CDH12: variants seen among roughly 807,000 people sequenced by gnomAD.
CDH12 encodes the protein cadherin-12.
In CDH12, 41 loss-of-function variants were observed where a neutral mutation model predicts 74.1. The observed-to-expected ratio is 0.55, with a 90% CI of 0.43 to 0.72. The LOEUF (loss-of-function observed/expected upper bound fraction) is 0.72, where lower values mean the gene tolerates loss of function less well. CDH12 is among the 30% of genes least tolerant of loss of function. CDH12 has a pLI of 0.00. For missense variants in CDH12, 945 were observed against 977.2 expected, an observed-to-expected ratio of 0.97 and a Z score of 0.44; for synonymous variants, 399 against 355.0, an observed-to-expected ratio of 1.12 and a Z score of -1.39.
chr5:21,814,932 CTAAA>C (rs1205774325), intron 9 of CDH12, among the ~76,000 whole-genome samples: 14 of 151,710 alleles, frequency 9.2e-5, no homozygotes, highest in Non-Finnish European at 1.9e-4. Flanking sequence ...GAAAAACAAA[CTAAA>C]TAACAATGAA....
chr5:22,041,435 C>T (rs1390474049), intron 5 of CDH12, among the ~76,000 whole-genome samples: 2 of 152,020 alleles, frequency 1.3e-5, no homozygotes, highest in African/African-American at 4.8e-5. Flanking sequence ...CTAGAGGAGA[C>T]CTACTTTAGC....
intron 3 of CDH12, among the ~76,000 whole-genome samples, chr5:22,260,563 C>A (rs546713117): frequency 6.6e-6 from 1 of 151,930 alleles, no homozygotes; most frequent in Non-Finnish European, 1.5e-5. Context: ...AAACAAAAAG[C>A]AAGATACCTA....
At chr5:22,353,282 A>T (rs1473634800) in intron 3 of CDH12, among the ~76,000 whole-genome samples, 2 of 152,186 alleles carry the variant, frequency 1.3e-5, no homozygotes, top group African/African-American at 2.4e-5. Flanking sequence ...TCATGGACAC[A>T]AATATTTTCT....
At chr5:21,778,274 C>T (rs1745703287) in intron 11 of CDH12, among the ~76,000 whole-genome samples, 1 of 152,060 alleles carries the variant, frequency 6.6e-6, no homozygotes, top group Admixed American at 6.6e-5. Context: ...GTCCATTCCT[C>T]ATGCCCACAA....
At chr5:21,777,402 T>C (rs566441173) in intron 11 of CDH12, among the ~76,000 whole-genome samples, 1 of 152,296 alleles carries the variant, frequency 6.6e-6, no homozygotes, top group African/African-American at 2.4e-5. Flanking sequence ...TAAATATAGA[T>C]AGATAATAAA....
intron 4 of CDH12, among the ~76,000 whole-genome samples, chr5:22,105,994 G>C (rs142149860): frequency 6.6e-6 from 1 of 152,056 alleles, no homozygotes; most frequent in Non-Finnish European, 1.5e-5. Flanking sequence ...TTTCCAGGTT[G>C]GTATATGTCC....
chr5:22,784,910 A>T (rs1747550242), intron 1 of CDH12, among the ~76,000 whole-genome samples: 1 of 152,216 alleles, frequency 6.6e-6, no homozygotes, highest in Non-Finnish European at 1.5e-5. Flanking sequence ...AAATAAACTT[A>T]AAACATTTCA....
chr5:21,882,058 G>A (rs1752380995), intron 6 of CDH12, among the ~76,000 whole-genome samples: 1 of 152,190 alleles, frequency 6.6e-6, no homozygotes, highest in Non-Finnish European at 1.5e-5. Flanking sequence ...AGCAATATTT[G>A]TAAAGATATA....
chr5:22,630,942 C>G (rs1192741479), intron 1 of CDH12, among the ~76,000 whole-genome samples: 1 of 151,478 alleles, frequency 6.6e-6, no homozygotes, highest in Non-Finnish European at 1.5e-5. Context: ...AATTAGCAAG[C>G]AAAAAAACAA....
chr5:22,180,926 G>C (rs1371559854), intron 4 of CDH12, among the ~76,000 whole-genome samples: 1 of 151,980 alleles, frequency 6.6e-6, no homozygotes, highest in African/African-American at 2.4e-5. Context: ...ACATCAAAAG[G>C]CACATAATTT....
chr5:22,227,546 C>A (rs1475857704), intron 3 of CDH12, among the ~76,000 whole-genome samples: 2 of 152,126 alleles, frequency 1.3e-5, no homozygotes, highest in Non-Finnish European at 2.9e-5. Context: ...AGCTGCTACA[C>A]TTGAAACCTT....
chr5:21,993,476 C>A (rs1446391075), intron 5 of CDH12, among the ~76,000 whole-genome samples: 2 of 152,126 alleles, frequency 1.3e-5, no homozygotes, highest in African/African-American at 4.8e-5. Context: ...AAAAGGAAGT[C>A]CAAAACACAT....
At chr5:21,967,017 G>A (rs1169317603) in intron 6 of CDH12, among the ~76,000 whole-genome samples, 2 of 152,022 alleles carry the variant, frequency 1.3e-5, no homozygotes, top group Non-Finnish European at 2.9e-5. Flanking sequence ...ACCTGAATCA[G>A]TGGGTATAAT....
intron 3 of CDH12, among the ~76,000 whole-genome samples, chr5:22,315,139 T>TTTTTTTC: frequency 7.6e-6 from 1 of 131,064 alleles, no homozygotes. Flanking sequence ...TTTTTTTTTT[T>TTTTTTTC]TTTTAGTAGA....
intron 5 of CDH12, among the ~76,000 whole-genome samples, chr5:22,036,847 G>T (rs1739223937): frequency 1.3e-5 from 2 of 152,206 alleles, no homozygotes; most frequent in South Asian, 4.1e-4. Flanking sequence ...ACAGCATTTA[G>T]ATAACTCATT....
intron 13 of CDH12, 49 bp from the exon 14 acceptor site, chr5:21,755,891 C>A: frequency 6.3e-7 from 1 of 1,581,520 alleles, no homozygotes. Context: ...AGCTTCACTT[C>A]AAATCTTCAA....
intron 10 of CDH12, among the ~76,000 whole-genome samples, chr5:21,785,256 T>C (rs1312644484): frequency 6.6e-6 from 1 of 152,120 alleles, no homozygotes; most frequent in Admixed American, 6.6e-5. Context: ...AACCAGCTAT[T>C]CCCCCATCTG....
At chr5:21,861,568 C>T (rs1050616605) in intron 6 of CDH12, among the ~76,000 whole-genome samples, 1 of 151,944 alleles carries the variant, frequency 6.6e-6, no homozygotes, top group South Asian at 2.1e-4. Context: ...ATATATTGAA[C>T]AGGCATTTTA....
At chr5:22,085,418 T>C (rs1450084114) in intron 4 of CDH12, among the ~76,000 whole-genome samples, 1 of 152,170 alleles carries the variant, frequency 6.6e-6, no homozygotes, top group East Asian at 1.9e-4. Context: ...CTTATTAAGC[T>C]GAAAGACTTG....
Sources: allele counts gnomAD v4.1 joint callset (sites outside exome capture counted in the v4.1 genomes callset), GRCh38; gene constraint gnomAD v4.1.1; transcripts MANE v1.5; gene names NCBI Gene and HGNC (gene_info 2026-07-23, HGNC 2026-07-21).